The following SSH1 variants were observed in gnomAD, a reference collection of about 807,000 sequenced individuals.
The protein encoded by SSH1 is protein phosphatase Slingshot homolog 1.
SSH1 carries 43 observed loss-of-function variants against 79.7 expected under a neutral mutation model. The observed-to-expected ratio is 0.54, with a 90% CI of 0.42 to 0.70. SSH1 has a LOEUF of 0.70. SSH1 is among the 30% of genes least tolerant of loss of function. SSH1 has a pLI of 0.00. For missense variants in SSH1, 1,206 were observed against 1,358.8 expected (o/e 0.89, Z 1.77); for synonymous variants, 599 against 538.3 (o/e 1.11, Z -1.56).
chr12:108,854,299 T>C (rs1297458995), intron 1 of SSH1, among the ~76,000 whole-genome samples: 1 of 152,216 alleles, frequency 6.6e-6, no homozygotes, highest in Admixed American at 6.5e-5. Flanking sequence ...TGAGAAACTC[T>C]GGTCCAATCC....
In SSH1 at chr12:108,784,780, A is replaced by C. The variant is rs1309684286; in HGVS notation, c.*3208T>G. On this transcript the variant is annotated 3_prime_UTR_variant, in exon 15 of 15. Transcript: ENST00000326495. ...TAACTTTTGGCATGCCACATGAATT[A>C]ATGTGAGGCAGAAGATAAGATTCAG... 1 of 152,228 alleles carries C rather than the reference A, an allele frequency of 6.6e-6. No individual in the cohort carries two copies. Among genetic ancestry groups the C allele is most frequent in the African/African-American group, 2.4e-5 (1 of 41,460 alleles). 9.4% of individuals were successfully genotyped at this position (152,228 alleles called of 1,614,324 possible). A position where few individuals can be genotyped will look rare whatever the true frequency, so the allele number is the denominator to read the frequency against.
At chr12:108,819,989 T>C (rs1473994699) in intron 3 of SSH1, among the ~76,000 whole-genome samples, 1 of 152,160 alleles carries the variant, frequency 6.6e-6, no homozygotes, top group Non-Finnish European at 1.5e-5. Context: ...ATTGGGTCAT[T>C]AGAAATTTGT....
At chr12:108,794,127 A>G (rs972732394) in intron 13 of SSH1, among the ~76,000 whole-genome samples, 2 of 152,222 alleles carry the variant, frequency 1.3e-5, no homozygotes, top group Non-Finnish European at 2.9e-5. Context: ...GCACTCCTGC[A>G]TTCCCAAACT....
Position 108,805,150 on chromosome 12 carries a change from T to C in SSH1, c.860A>G (p.Asn287Ser). Reference protein sequence around the residue: ...RNELEKQMNCNLKELKEFIDN... With the variant: ...RNELEKQMNCSLKELKEFIDN... Reference sequence around the variant, plus strand: ...TATAAATTCCTTGAGTTCCTTCAAGTTACAATTCATCTGTTTCTCTAATTC... The same window carrying C: ...TATAAATTCCTTGAGTTCCTTCAAGCTACAATTCATCTGTTTCTCTAATTC... Residue 287 changes from asparagine to serine, a missense_variant, in exon 10 of 15, where the codon AAC becomes AGC. Asn to Ser is a conservative substitution (Grantham distance 46, BLOSUM62 1). Around this residue, in one of 5 missense-constraint regions of SSH1, gnomAD observed 166 missense variants for 262.9 expected, o/e 0.63. Transcript: ENST00000326495. 4 of 1,613,622 alleles carry C rather than the reference T, an allele frequency of 2.5e-6. No homozygotes were observed. Among genetic ancestry groups the C allele is most frequent in the Non-Finnish European group, 3.4e-6 (4 of 1,179,494 alleles).
chr12:108,796,226 C>T (rs1385936185), intron 13 of SSH1, among the ~76,000 whole-genome samples: 3 of 152,144 alleles, frequency 2.0e-5, no homozygotes, highest in East Asian at 3.9e-4. Context: ...TCATCTTGAC[C>T]ACTTCTAAGT....
intron 14 of SSH1, among the ~76,000 whole-genome samples, chr12:108,789,551 C>G (rs2036415377): frequency 1.3e-5 from 2 of 152,160 alleles, no homozygotes; most frequent in African/African-American, 4.8e-5. Context: ...GTGTCCCCAC[C>G]CTTCACTTCC....
chr12:108,851,339 G>A (rs187029977), intron 2 of SSH1, among the ~76,000 whole-genome samples: 2 of 152,280 alleles, frequency 1.3e-5, no homozygotes, highest in East Asian at 3.9e-4. Flanking sequence ...TACCAGTTCT[G>A]CATATGAGTT....
At chr12:108,854,919 C>A (rs543437754) in intron 1 of SSH1, among the ~76,000 whole-genome samples, 1 of 152,360 alleles carries the variant, frequency 6.6e-6, no homozygotes, top group East Asian at 1.9e-4. Flanking sequence ...CTCAACACAT[C>A]TGAACGAGGG....
intron 9 of SSH1, 63 bp downstream of exon 9, chr12:108,806,238 G>T: frequency 6.7e-7 from 1 of 1,483,934 alleles, no homozygotes; most frequent in Non-Finnish European, 9.4e-7. Context: ...CTGCACTTTC[G>T]GGAGCAGGAC....
chr12:108,844,703 A>G (rs1212990996), intron 2 of SSH1, among the ~76,000 whole-genome samples: 1 of 152,212 alleles, frequency 6.6e-6, no homozygotes, highest in Non-Finnish European at 1.5e-5. Flanking sequence ...TGCACATTAA[A>G]GGCGGTAAGA....
intron 3 of SSH1, among the ~76,000 whole-genome samples, chr12:108,819,399 C>T (rs568888495): frequency 6.6e-5 from 10 of 152,296 alleles, no homozygotes; most frequent in African/African-American, 1.9e-4. Flanking sequence ...CACACTTTCA[C>T]GGAGGGGAAA....
chr12:108,845,601 C>T (rs1430150597), intron 2 of SSH1, among the ~76,000 whole-genome samples: 13 of 152,138 alleles, frequency 8.5e-5, no homozygotes, highest in East Asian at 3.9e-4. Context: ...GCAGGAGAAT[C>T]GCTTGAACCC....
chr12:108,817,472 G>C (rs920825260), intron 4 of SSH1: 10 of 338,884 alleles, frequency 3.0e-5, no homozygotes, highest in African/African-American at 1.3e-4. Context: ...CTACTCAGGG[G>C]ACTGAGGCAC....
Position 108,792,393 on chromosome 12 carries a change from G to C in SSH1, c.1786C>G (p.Leu596Val). Residue 596 changes from leucine (L) to valine (V), a missense_variant, in exon 14 of 15, where the codon CTG (leucine) becomes GTG (valine). Leu to Val is a conservative substitution (Grantham distance 32, BLOSUM62 1). Transcript: ENST00000326495. ...QVEETEREEG[L>V]GAGRWGQLPT... is the part of the protein sequence containing the mutation. ...AGCTGCCCCCACCTCCCTGCTCCCA[G>C]GCCCTCCTCCCTTTCCGTCTCCTCC... 1 of 1,614,186 alleles carries C rather than the reference G, an allele frequency of 6.2e-7. No individual in the cohort carries two copies. The highest frequency in any genetic ancestry group is 2.2e-5 in the East Asian group (1 of 44,886).
chr12:108,849,642 T>G (rs1259385597), intron 2 of SSH1, among the ~76,000 whole-genome samples: 2 of 151,822 alleles, frequency 1.3e-5, no homozygotes, highest in African/African-American at 2.4e-5. Context: ...CACTGCTATT[T>G]ATAAGTTCTT....
Position 108,780,443 on chromosome 12 carries a change from T to C in SSH1, c.*7545A>G, listed in dbSNP as rs1027065948. On this transcript the variant is annotated 3_prime_UTR_variant, in exon 15 of 15. Coordinates refer to ENST00000326495, the MANE Select transcript of SSH1 (RefSeq NM_018984.4). ...GTTTTATGAACACACATTGTTAGGG[T>C]AGTGTGGGTGTTGTCTCCAAAAAGC... The C allele has an allele frequency of 6.6e-6, 1 of 152,130 alleles. No individual in the cohort carries two copies. The highest frequency in any genetic ancestry group is 1.5e-5 in the Non-Finnish European group (1 of 68,014). The allele number at this position is 152,130 out of a possible 1,614,324, so 9.4% of individuals were successfully genotyped here.
At position 108,790,748 on chromosome 12, in the gene SSH1, G is replaced by A. The variant is rs146085868; in HGVS notation, c.1894-1504C>T. ...ACATGCTGTTAATAATAATAAACTG[G>A]CTGTATACTTGAATGCATCTGTCAG... On this transcript the variant is annotated intron_variant, in intron 14 of 14. Coordinates refer to ENST00000326495, the MANE Select transcript of SSH1 (RefSeq NM_018984.4). Among the ~76,000 whole-genome samples the A allele has an allele frequency of 2.1e-3, 315 of 152,326 alleles. 2 individuals carry two copies. Among genetic ancestry groups the A allele is most frequent in the African/African-American group, 7.4e-3 (309 of 41,568 alleles).
At chr12:108,798,612 G>C (rs1229767099) in intron 13 of SSH1, among the ~76,000 whole-genome samples, 1 of 152,186 alleles carries the variant, frequency 6.6e-6, no homozygotes, top group Non-Finnish European at 1.5e-5. Context: ...GTGCCTCTCC[G>C]AGTCCTTGGC....
rs895161553 is a variant in SSH1 at position 108,800,013 on chromosome 12, T to C, written c.1148+767A>G. On this transcript the variant is annotated intron_variant, in intron 12 of 14. Transcript: ENST00000326495. Reference sequence around the variant, plus strand: ...CTCCTGCAAATCTCAGTGGGGTTTTTTCCCCCTAACTGCTGGTCTGAAGTT... The same window carrying C: ...CTCCTGCAAATCTCAGTGGGGTTTTCTCCCCCTAACTGCTGGTCTGAAGTT... Among the ~76,000 whole-genome samples, 6 of 152,226 alleles carry C rather than the reference T, an allele frequency of 3.9e-5. No individual in the cohort carries two copies. In the South Asian group the frequency reaches 1.2e-3, roughly 32 times the overall value.
Sources: allele counts gnomAD v4.1 joint callset (sites outside exome capture counted in the v4.1 genomes callset), GRCh38; gene constraint gnomAD v4.1.1; regional missense constraint gnomAD v4.1.1; transcripts MANE v1.5; gene names NCBI Gene and HGNC (gene_info 2026-07-23, HGNC 2026-07-21).